CTNNA1: variants seen among roughly 807,000 people sequenced by gnomAD.
CTNNA1 encodes catenin alpha 1, also known as catenin alpha-1.
CTNNA1 carries 37 observed loss-of-function variants against 98.4 expected under a neutral mutation model. The ratio of observed to expected loss-of-function variants is 0.38; its 90% CI spans 0.29 to 0.49. The LOEUF (loss-of-function observed/expected upper bound fraction) is 0.49, where lower values mean the gene tolerates loss of function less well. Ranked by LOEUF, CTNNA1 falls within the 20% of genes least tolerant of loss-of-function variation. CTNNA1 has a pLI of 0.95. For synonymous variants in CTNNA1, 404 were observed against 413.2 expected (o/e 0.98, Z 0.27); for missense variants, 761 against 1,147.2 (o/e 0.66, Z 4.86).
intron 9 of CTNNA1, among the ~76,000 whole-genome samples, chr5:138,895,017 A>G (rs1428441411): frequency 1.3e-5 from 2 of 152,148 alleles, no homozygotes; most frequent in Non-Finnish European, 2.9e-5. Flanking sequence ...GCTTCTTACT[A>G]TCTGAAACTA....
intron 3 of CTNNA1, among the ~76,000 whole-genome samples, chr5:138,785,749 ATAGTGTAGTG>A (rs879461884): frequency 2.0e-5 from 3 of 151,860 alleles, no homozygotes; most frequent in South Asian, 2.1e-4. Context: ...TTAGTATAGT[ATAGTGTAGTG>A]TAGTGTAGTG....
chr5:138,777,112 C>G (rs1754377819), intron 1 of CTNNA1, among the ~76,000 whole-genome samples: 1 of 150,706 alleles, frequency 6.6e-6, no homozygotes, highest in Non-Finnish European at 1.5e-5. Context: ...GGGGCGGTTG[C>G]CAGGCGGAGG....
intron 1 of CTNNA1, among the ~76,000 whole-genome samples, chr5:138,777,492 G>A (rs1754468136): frequency 1.3e-5 from 2 of 152,130 alleles, no homozygotes; most frequent in South Asian, 4.1e-4. Flanking sequence ...GGCACTTTGG[G>A]AGGCCAAGGC....
intron 3 of CTNNA1, among the ~76,000 whole-genome samples, chr5:138,793,020 C>G (rs569729540): frequency 1.3e-5 from 2 of 152,036 alleles, no homozygotes; most frequent in East Asian, 3.9e-4. Flanking sequence ...TCATGTGATC[C>G]CATTGTGGCT....
intron 7 of CTNNA1, among the ~76,000 whole-genome samples, chr5:138,846,161 A>G (rs1029804631): frequency 1.3e-5 from 2 of 152,156 alleles, no homozygotes; most frequent in African/African-American, 2.4e-5. Context: ...CATCTTGGCC[A>G]GGCTGGTCTT....
intron 3 of CTNNA1, among the ~76,000 whole-genome samples, chr5:138,796,566 G>T (rs825753): frequency 0.72 from 105,748 of 146,988 alleles, 37,987 homozygotes; most frequent in East Asian, 0.97. Flanking sequence ...AAAAGTAGTA[G>T]GTATCTGAGA....
At chr5:138,860,696 G>A (rs1369574957) in intron 7 of CTNNA1, among the ~76,000 whole-genome samples, 2 of 151,458 alleles carry the variant, frequency 1.3e-5, no homozygotes, top group Admixed American at 6.6e-5. Context: ...GGGTTTCACC[G>A]TGTTGCCCCG....
chr5:138,759,450 A>G (rs1021431957), intron 1 of CTNNA1, among the ~76,000 whole-genome samples: 1 of 152,170 alleles, frequency 6.6e-6, no homozygotes, highest in African/African-American at 2.4e-5. Context: ...CCTAGTCTTT[A>G]AAGTCTAGCT....
intron 10 of CTNNA1, among the ~76,000 whole-genome samples, chr5:138,913,600 T>A (rs1042220501): frequency 2.4e-4 from 37 of 151,302 alleles, no homozygotes; most frequent in Admixed American, 3.3e-4. Flanking sequence ...AAAAAAAAAA[T>A]TCAGTTGATG....
At chr5:138,826,213 G>A (rs1760703410) in intron 6 of CTNNA1, among the ~76,000 whole-genome samples, 1 of 152,182 alleles carries the variant, frequency 6.6e-6, no homozygotes, top group Non-Finnish European at 1.5e-5. Flanking sequence ...TGCATGTTCA[G>A]TTTGAAAACT....
At chr5:138,804,687 T>C (rs1026708174) in intron 3 of CTNNA1, among the ~76,000 whole-genome samples, 3 of 152,124 alleles carry the variant, frequency 2.0e-5, no homozygotes, top group South Asian at 4.1e-4. Flanking sequence ...GTTTTTCAGT[T>C]GGTAGATGTT....
At position 138,783,410 on chromosome 5, in the gene CTNNA1, CCTTT is replaced by C; in HGVS notation, c.301+41_301+44del. 3 of 1,541,026 alleles carry C rather than the reference CCTTT, an allele frequency of 1.9e-6. No individual in the cohort carries two copies. The South Asian group carries it at 3.6e-5, about 18-fold the overall frequency. On this transcript the variant is annotated intron_variant, in intron 3 of 17. Coordinates refer to ENST00000302763, the MANE Select transcript of CTNNA1 (RefSeq NM_001903.5). The stretch of plus-strand genomic sequence containing the variant: ...TGCTTTTTAGGTAAAGAGAGGCAGG[CCTTT>C]CTAGAAAATCAGTGTTTGAAGATTT...
chr5:138,860,563 T>G (rs1764173951), intron 7 of CTNNA1, among the ~76,000 whole-genome samples: 1 of 152,164 alleles, frequency 6.6e-6, no homozygotes, highest in Non-Finnish European at 1.5e-5. Context: ...TGACGCAGTC[T>G]CAGCTCGCTG....
chr5:138,893,911 C>T (rs980984704), intron 9 of CTNNA1, among the ~76,000 whole-genome samples: 5 of 149,566 alleles, frequency 3.3e-5, no homozygotes, highest in Admixed American at 6.7e-5. Context: ...CGTGAGCCAC[C>T]GCGCCTGGCC....
At chr5:138,916,424 G>A (rs978231012) in intron 10 of CTNNA1, among the ~76,000 whole-genome samples, 11 of 147,926 alleles carry the variant, frequency 7.4e-5, no homozygotes, top group Non-Finnish European at 1.0e-4. Flanking sequence ...GACAAGAGTC[G>A]TCCTGTTTGT....
intron 1 of CTNNA1, among the ~76,000 whole-genome samples, chr5:138,761,748 A>G (rs1752404237): frequency 6.6e-6 from 1 of 151,948 alleles, no homozygotes; most frequent in South Asian, 2.1e-4. Flanking sequence ...AAAACCACAC[A>G]CTTTGAGGTC....
intron 3 of CTNNA1, among the ~76,000 whole-genome samples, chr5:138,804,771 G>A (rs1174611518): frequency 6.6e-6 from 1 of 152,020 alleles, no homozygotes. Flanking sequence ...TAGTTGTGTA[G>A]CTATGTATTA....
chr5:138,912,677 AAGTTACGATCAGTAC>A (rs1159370592), intron 10 of CTNNA1, among the ~76,000 whole-genome samples: 5 of 152,178 alleles, frequency 3.3e-5, no homozygotes, highest in African/African-American at 1.2e-4. Flanking sequence ...AGCATTTTAA[AAGTTACGATCAGTAC>A]AGTGATCGTG....
At chr5:138,800,161 A>C (rs1757419741) in intron 3 of CTNNA1, among the ~76,000 whole-genome samples, 1 of 152,126 alleles carries the variant, frequency 6.6e-6, no homozygotes, top group Admixed American at 6.6e-5. Flanking sequence ...AAAAAAAGAA[A>C]ATCCATGAAG....
Sources: allele counts gnomAD v4.1 joint callset (sites outside exome capture counted in the v4.1 genomes callset), GRCh38; gene constraint gnomAD v4.1.1; transcripts MANE v1.5; gene names NCBI Gene and HGNC (gene_info 2026-07-23, HGNC 2026-07-21).